Variants in NREP observed in about 807,000 individuals in gnomAD.
NREP encodes neuronal regeneration-related protein.
Under a neutral mutation model 8.6 loss-of-function variants are expected in NREP, and 5 were observed. The ratio of observed to expected loss-of-function variants is 0.58; its 90% CI spans 0.30 to 1.22. NREP has a LOEUF of 1.22. Among genes scored for constraint, NREP ranks in the 50% most tolerant of loss-of-function variants. The probability of loss-of-function intolerance (pLI) is 0.07; values close to 1 mark genes in which losing one functional copy is unlikely to be tolerated. For missense variants in NREP, 86 were observed against 82.5 expected, an observed-to-expected ratio of 1.04 and a Z score of -0.17; for synonymous variants, 27 against 28.0, an observed-to-expected ratio of 0.96 and a Z score of 0.11.
Position 111,806,177 on chromosome 5 carries a change from A to G in NREP, c.136-70670T>C, listed in dbSNP as rs1041964837. ...TAGAAGAACAGGCATAGACTTATAA[A>G]TCAAGGACAGAAATAGCTGTGTGTG... is the stretch of plus-strand genomic sequence containing the variant. On this transcript the variant is annotated intron_variant, in intron 2 of 3. Transcript: ENST00000395634. 2.0e-5 allele frequency among the ~76,000 whole-genome samples: 3 copies of G among 152,232 alleles called. No individual in the cohort carries two copies. In the East Asian group the frequency reaches 5.8e-4, roughly 29 times the overall value.
intron 2 of NREP, among the ~76,000 whole-genome samples, chr5:111,870,668 A>G (rs747905697): frequency 2.6e-5 from 4 of 152,160 alleles, no homozygotes; most frequent in Admixed American, 6.5e-5. Flanking sequence ...TGGAAGGGAT[A>G]TAATCCGTTA....
At chr5:111,777,773 CA>C (rs1181831646) in intron 2 of NREP, among the ~76,000 whole-genome samples, 2 of 152,106 alleles carry the variant, frequency 1.3e-5, no homozygotes, top group Non-Finnish European at 2.9e-5. Flanking sequence ...GTGGAGAAAA[CA>C]AGGGAAATGT....
intron 2 of NREP, among the ~76,000 whole-genome samples, chr5:111,879,839 G>GA (rs1287307530): frequency 8.6e-5 from 13 of 152,012 alleles, no homozygotes; most frequent in African/African-American, 1.7e-4. Context: ...GAGAGAGAGA[G>GA]AAAAAAAGAC....
chr5:111,924,250 GGAGCACA>G (rs996093166), intron 2 of NREP, among the ~76,000 whole-genome samples: 2 of 152,130 alleles, frequency 1.3e-5, no homozygotes, highest in Admixed American at 1.3e-4. Context: ...TTTCTCAGTT[GGAGCACA>G]GAGAAGAATA....
At chr5:111,901,953 A>C (rs1754656744) in intron 2 of NREP, among the ~76,000 whole-genome samples, 2 of 152,172 alleles carry the variant, frequency 1.3e-5, no homozygotes, top group Admixed American at 1.3e-4. Context: ...AAAGAATTCT[A>C]AAATTCCTAT....
intron 2 of NREP, among the ~76,000 whole-genome samples, chr5:111,818,844 T>C (rs1752451657): frequency 6.6e-6 from 1 of 152,204 alleles, no homozygotes; most frequent in Non-Finnish European, 1.5e-5. Context: ...GAATTAGATA[T>C]GTATAAATCT....
chr5:111,799,441 T>A (rs1413324147), intron 2 of NREP, among the ~76,000 whole-genome samples: 2 of 152,254 alleles, frequency 1.3e-5, no homozygotes, highest in Non-Finnish European at 2.9e-5. Flanking sequence ...ACATTATCAT[T>A]GTTAAATCCC....
chr5:111,851,957 G>A (rs943722753), intron 2 of NREP, among the ~76,000 whole-genome samples: 1 of 152,160 alleles, frequency 6.6e-6, no homozygotes. Flanking sequence ...TACTAGTATG[G>A]TTTGAATGTG....
intron 2 of NREP, among the ~76,000 whole-genome samples, chr5:111,741,110 G>C (rs969614438): frequency 4.6e-5 from 7 of 152,082 alleles, no homozygotes; most frequent in African/African-American, 1.7e-4. Flanking sequence ...GGTCCTATAG[G>C]GTTAAAGAAT....
At chr5:111,975,180 C>T in intron 2 of NREP, 7 of 814,006 alleles carry the variant, frequency 8.6e-6, no homozygotes, top group South Asian at 4.9e-5. Context: ...GGAATGACTG[C>T]ACCAGTTCAG....
At chr5:111,873,547 T>C (rs1753836869) in intron 2 of NREP, among the ~76,000 whole-genome samples, 1 of 152,182 alleles carries the variant, frequency 6.6e-6, no homozygotes, top group South Asian at 2.1e-4. Context: ...TTCTGGAAGA[T>C]ACCTGCATTC....
At chr5:111,948,778 A>AG (rs1756067128) in intron 2 of NREP, 1 of 152,096 alleles carries the variant, frequency 6.6e-6, no homozygotes, top group African/African-American at 2.4e-5. Context: ...CATGACTATG[A>AG]GTCTTTCCAG....
upstream of NREP, among the ~76,000 whole-genome samples, chr5:111,761,086 T>C (rs2112862958): frequency 6.6e-6 from 1 of 152,328 alleles, no homozygotes; most frequent in Non-Finnish European, 1.5e-5. Flanking sequence ...CATTTAACCT[T>C]TTAGTCTCAG....
intron 2 of NREP, among the ~76,000 whole-genome samples, chr5:111,755,021 A>AT (rs200243294): frequency 1.3e-5 from 2 of 151,970 alleles, no homozygotes; most frequent in Admixed American, 6.6e-5. Context: ...TATTTCTATT[A>AT]TTTTTTTTAG....
intron 2 of NREP, among the ~76,000 whole-genome samples, chr5:111,768,837 C>A (rs1751147626): frequency 6.6e-6 from 1 of 152,158 alleles, no homozygotes; most frequent in Admixed American, 6.5e-5. Flanking sequence ...GTATATATAC[C>A]TGTCTGGTAG....
At chr5:111,857,534 C>CAT (rs1463243078) in intron 2 of NREP, among the ~76,000 whole-genome samples, 1 of 152,130 alleles carries the variant, frequency 6.6e-6, no homozygotes, top group Non-Finnish European at 1.5e-5. Flanking sequence ...GGGTGTGGAT[C>CAT]ATATGGTAGT....
chr5:111,936,430 G>T (rs1286940856), intron 2 of NREP, among the ~76,000 whole-genome samples: 7 of 151,992 alleles, frequency 4.6e-5, no homozygotes. Flanking sequence ...GACCTATCCA[G>T]CCATGTGGAA....
chr5:111,881,608 G>A (rs1036773849), intron 2 of NREP, among the ~76,000 whole-genome samples: 3 of 152,230 alleles, frequency 2.0e-5, no homozygotes, highest in South Asian at 4.1e-4. Flanking sequence ...CACCTCACAC[G>A]ACCGGGTACT....
chr5:111,731,069 C>CACAG (rs530015157), intron 3 of NREP, 23 bp from the exon 4 acceptor site: 34 of 1,606,154 alleles, frequency 2.1e-5, no homozygotes, highest in Non-Finnish European at 2.6e-5. Flanking sequence ...CAGACCCACA[C>CACAG]ACAGACAGAC....
Sources: allele counts gnomAD v4.1 joint callset (sites outside exome capture counted in the v4.1 genomes callset), GRCh38; gene constraint gnomAD v4.1.1; transcripts MANE v1.5; gene names NCBI Gene and HGNC (gene_info 2026-07-23, HGNC 2026-07-21).